The following WIPF1 variants were observed in gnomAD, a reference collection of about 807,000 sequenced individuals.
The protein encoded by WIPF1 is WAS/WASL-interacting protein family member 1.
Under a neutral mutation model 35.4 loss-of-function variants are expected in WIPF1, and 13 were observed. The observed-to-expected ratio is 0.37, with a 90% CI of 0.24 to 0.58. WIPF1 has a LOEUF of 0.58. WIPF1 is among the 20% of genes least tolerant of loss of function. The pLI, the probability that WIPF1 is intolerant of heterozygous loss-of-function variation, is 0.74. For missense variants in WIPF1, 591 were observed against 667.0 expected (o/e 0.89, Z 1.25); for synonymous variants, 267 against 266.3 (o/e 1.00, Z -0.02).
chr2:174,589,629 A>G (rs1470996302), intron 1 of WIPF1, among the ~76,000 whole-genome samples: 1 of 136,356 alleles, frequency 7.3e-6, no homozygotes, highest in African/African-American at 2.6e-5. Context: ...ATGAACTTGT[A>G]TGAAAAAAAA....
chr2:174,645,199 C>T (rs1687381413), intron 1 of WIPF1, among the ~76,000 whole-genome samples: 1 of 151,928 alleles, frequency 6.6e-6, no homozygotes, highest in South Asian at 2.1e-4. Flanking sequence ...CTTAAACAAC[C>T]CTTTGAGTTA....
chr2:174,671,849 C>T (rs983008360), intron 1 of WIPF1, among the ~76,000 whole-genome samples: 21 of 152,266 alleles, frequency 1.4e-4, no homozygotes, highest in African/African-American at 4.3e-4. Context: ...AATGACAATG[C>T]GTGCCCGAAA....
intron 1 of WIPF1, among the ~76,000 whole-genome samples, chr2:174,639,240 T>C (rs903285837): frequency 1.3e-5 from 2 of 152,178 alleles, no homozygotes; most frequent in Non-Finnish European, 2.9e-5. Context: ...TTTTGAGAAA[T>C]GTCTACTAAG....
chr2:174,610,905 A>G (rs1161408351), intron 1 of WIPF1, among the ~76,000 whole-genome samples: 1 of 151,118 alleles, frequency 6.6e-6, no homozygotes, highest in Non-Finnish European at 1.5e-5. Context: ...CCCACACTCA[A>G]CCTCCCGGCC....
chr2:174,585,497 A>G lies in WIPF1; in HGVS notation c.51+26T>C, dbSNP rs562841507. On this transcript the variant is annotated intron_variant, in intron 2 of 7. Coordinates refer to ENST00000679041, the MANE Select transcript of WIPF1 (RefSeq NM_001375834.1). ...TTCATTTGGCTTGCTTTATGCATAG[A>G]AAGTGTTTGGGGAGGAGACACTCAC... 100 of 1,611,896 alleles carry G rather than the reference A, an allele frequency of 6.2e-5. 1 individual carries two copies. The highest frequency in any genetic ancestry group is 2.7e-4 in the Admixed American group (16 of 59,926).
At chr2:174,658,870 G>T (rs1415270243) in intron 1 of WIPF1, among the ~76,000 whole-genome samples, 1 of 151,876 alleles carries the variant, frequency 6.6e-6, no homozygotes, top group Non-Finnish European at 1.5e-5. Flanking sequence ...GGGAATAGTA[G>T]AAAGATGACT....
chr2:174,680,224 T>G lies in WIPF1; in HGVS notation c.-39+2550A>C, dbSNP rs189235308. On this transcript the variant is annotated intron_variant, in intron 1 of 8. Coordinates refer to the WIPF1 transcript ENST00000272746. Reference sequence around the variant, plus strand: ...TGAGCTACATCTTCCTTTCTACCCTTACCTAGCACAGAGGATAGCTATAAC... The same window carrying G: ...TGAGCTACATCTTCCTTTCTACCCTGACCTAGCACAGAGGATAGCTATAAC... Among the ~76,000 whole-genome samples, 9 of 152,370 alleles carry G rather than the reference T, an allele frequency of 5.9e-5. No homozygotes were observed. In the East Asian group the frequency reaches 1.7e-3, roughly 29 times the overall value.
chr2:174,631,306 G>A (rs1032362479), intron 1 of WIPF1, among the ~76,000 whole-genome samples: 1 of 152,176 alleles, frequency 6.6e-6, no homozygotes, highest in South Asian at 2.1e-4. Flanking sequence ...TGTTTGACAC[G>A]TGCTAACAAC....
chr2:174,581,431 T>G lies in WIPF1; in HGVS notation c.60A>C (p.Thr20=). The change falls in exon 3 of 8, where the codon ACA becomes ACC. Residue 20 remains threonine (T), a synonymous_variant. Transcript: ENST00000679041. ...PPPPTFALAN[T]EKPTLNKTEQ... ...CTGTCTTATTCAAGGTAGGCTTCTC[T>G]GTATTGGCCTGAAAGGGAGCCATAC... 6.2e-7 allele frequency: 1 copy of G among 1,613,852 alleles called. No individual in the cohort carries two copies. The highest frequency in any genetic ancestry group is 1.1e-5 in the South Asian group (1 of 91,058).
chr2:174,591,041 A>G lies in WIPF1; in HGVS notation c.-38-5430T>C, dbSNP rs78673310. ...GTCTTTAAAGAGGTGATTAAGCTAA[A>G]ATGAGGCCATTGGGTGAGATCTTAA... On this transcript the variant is annotated intron_variant, in intron 1 of 7. Coordinates refer to ENST00000679041, the MANE Select transcript of WIPF1 (RefSeq NM_001375834.1). 8.1e-3 allele frequency among the ~76,000 whole-genome samples: 1,238 copies of G among 152,286 alleles called. 14 individuals are homozygous for G. The highest frequency in any genetic ancestry group is 0.028 in the African/African-American group (1,168 of 41,532).
At chr2:174,633,724 C>T (rs1687099582) in intron 1 of WIPF1, among the ~76,000 whole-genome samples, 1 of 152,186 alleles carries the variant, frequency 6.6e-6, no homozygotes, top group Admixed American at 6.5e-5. Context: ...GTCTTTCTGG[C>T]TCTTTTGCAG....
Position 174,581,383 on chromosome 2 carries a change from G to C in WIPF1, c.108C>G (p.Leu36=), listed in dbSNP as rs753986212. Residue 36 remains leucine (L), a synonymous_variant, in exon 3 of 8, where the codon CTC becomes CTG. Transcript: ENST00000679041. ...NKTEQAGRNA[L]LSDISKGKKL... is the part of the protein sequence containing the mutation. Reference sequence around the variant, plus strand: ...TCTTCCCTTTGCTGATATCAGAAAGGAGAGCATTTCTCCCAGCCTGCTCTG... The same window carrying C: ...TCTTCCCTTTGCTGATATCAGAAAGCAGAGCATTTCTCCCAGCCTGCTCTG... 8.1e-6 allele frequency: 13 copies of C among 1,614,018 alleles called. No individual in the cohort carries two copies. The highest frequency in any genetic ancestry group is 1.1e-5 in the Non-Finnish European group (13 of 1,179,988).
At chr2:174,619,658 A>T (rs1428697375) in intron 1 of WIPF1, among the ~76,000 whole-genome samples, 1 of 151,834 alleles carries the variant, frequency 6.6e-6, no homozygotes, top group Admixed American at 6.5e-5. Flanking sequence ...TAAAAGCTCC[A>T]GGGTCTGGGC....
At chr2:174,607,116 G>C (rs775361628) in intron 1 of WIPF1, among the ~76,000 whole-genome samples, 37 of 152,158 alleles carry the variant, frequency 2.4e-4, no homozygotes, top group Admixed American at 9.2e-4. Flanking sequence ...TATAAGGGCA[G>C]AGCACTCAGG....
intron 1 of WIPF1, among the ~76,000 whole-genome samples, chr2:174,652,109 T>C (rs1687544897): frequency 6.6e-6 from 1 of 152,266 alleles, no homozygotes; most frequent in South Asian, 2.1e-4. Context: ...TAGCTTTTTA[T>C]GTCTTAGCCT....
At chr2:174,661,076 C>T (rs1193748682) in intron 1 of WIPF1, among the ~76,000 whole-genome samples, 1 of 152,188 alleles carries the variant, frequency 6.6e-6, no homozygotes, top group African/African-American at 2.4e-5. Context: ...ACTGATTCAC[C>T]CATCCTTTGA....
At chr2:174,643,730 T>A (rs1687345467) in intron 1 of WIPF1, among the ~76,000 whole-genome samples, 1 of 152,184 alleles carries the variant, frequency 6.6e-6, no homozygotes, top group Admixed American at 6.5e-5. Context: ...TATTTGTATT[T>A]TTAACAGATT....
At chr2:174,568,849 C>T (rs1553525664) in intron 5 of WIPF1, 1 of 152,060 alleles carries the variant, frequency 6.6e-6, no homozygotes, top group Non-Finnish European at 1.5e-5. Flanking sequence ...ATAAAAAATA[C>T]TATGTAAGTA....
At chr2:174,615,444 T>G (rs1686478587) in intron 1 of WIPF1, among the ~76,000 whole-genome samples, 1 of 152,170 alleles carries the variant, frequency 6.6e-6, no homozygotes, top group Non-Finnish European at 1.5e-5. Flanking sequence ...GGCATAAAAG[T>G]TCTTAAAGGC....
Sources: gnomAD v4.1 joint callset for allele counts (sites outside exome capture counted in the v4.1 genomes callset) on GRCh38, gnomAD v4.1.1 for gene constraint, MANE v1.5 for transcripts, NCBI Gene and HGNC (gene_info 2026-07-23, HGNC 2026-07-21) for gene names.